Variants in DCC observed in about 807,000 individuals in gnomAD.
The protein encoded by DCC is netrin receptor DCC.
A neutral mutation model predicts 172.5 loss-of-function variants in DCC; 58 were observed. The ratio of observed to expected loss-of-function variants is 0.34; its 90% confidence interval spans 0.27 to 0.42. The LOEUF is 0.42. Ranked by LOEUF, DCC falls within the 10% of genes least tolerant of loss-of-function variation. The probability of loss-of-function intolerance (pLI) is 1.00; values close to 1 mark genes in which losing one functional copy is unlikely to be tolerated. For synonymous variants in DCC, 709 were observed against 644.5 expected, an observed-to-expected ratio of 1.10 and a Z score of -1.52; for missense variants, 1,740 against 1,791.0, an observed-to-expected ratio of 0.97 and a Z score of 0.51.
intron 12 of DCC, among the ~76,000 whole-genome samples, chr18:53,294,918 A>G (rs2057048538): frequency 6.6e-6 from 1 of 152,218 alleles, no homozygotes; most frequent in Non-Finnish European, 1.5e-5. Flanking sequence ...TTACAACTAT[A>G]TAAATGTATT....
At chr18:53,329,383 A>G (rs538253307) in intron 14 of DCC, among the ~76,000 whole-genome samples, 3 of 152,168 alleles carry the variant, frequency 2.0e-5, no homozygotes, top group Admixed American at 6.5e-5. Flanking sequence ...ATATTACAAG[A>G]CACTGCACTA....
intron 15 of DCC, among the ~76,000 whole-genome samples, chr18:53,364,750 C>G (rs1010702471): frequency 2.6e-5 from 4 of 152,088 alleles, no homozygotes; most frequent in African/African-American, 9.7e-5. Context: ...TGGCTTTCCA[C>G]ATACATTATT....
chr18:53,107,611 T>C (rs993669204), intron 7 of DCC, among the ~76,000 whole-genome samples: 1 of 149,974 alleles, frequency 6.7e-6, no homozygotes, highest in Admixed American at 6.6e-5. Flanking sequence ...TTTTTCTCCC[T>C]CAATCAGAAC....
intron 1 of DCC, among the ~76,000 whole-genome samples, chr18:52,653,078 A>G (rs2035174190): frequency 6.6e-6 from 1 of 152,200 alleles, no homozygotes; most frequent in African/African-American, 2.4e-5. Context: ...GTTGTGACAT[A>G]ATTATCATTG....
intron 24 of DCC, among the ~76,000 whole-genome samples, chr18:53,462,034 G>A (rs534668377): frequency 8.5e-5 from 13 of 152,294 alleles, no homozygotes; most frequent in African/African-American, 2.6e-4. Context: ...GAGAGAAGAG[G>A]GATGGAGTGA....
rs559247195 is a variant in DCC, at chr18:52,497,040, G to T, written c.91+156162G>T. ...AAGTTAAGGCAGGAGGGTCCCTCAA[G>T]CCCAGAAGTTCAAGACCAGCCTGGA... is the stretch of plus-strand genomic sequence containing the variant. On this transcript the variant is annotated intron_variant, in intron 1 of 28. Coordinates refer to ENST00000442544, the MANE Select transcript of DCC (RefSeq NM_005215.4). Among the ~76,000 whole-genome samples, 8 of 151,458 alleles carry T rather than the reference G, an allele frequency of 5.3e-5. No homozygotes were observed. In the South Asian group the frequency reaches 1.7e-3, roughly 32 times the overall value.
At chr18:53,167,711 A>C (rs1598867990) in intron 8 of DCC, among the ~76,000 whole-genome samples, 1 of 152,198 alleles carries the variant, frequency 6.6e-6, no homozygotes, top group South Asian at 2.1e-4. Flanking sequence ...TTCTCTTTTT[A>C]AATAATTTAC....
At position 52,858,950 on chromosome 18, in the gene DCC, A is replaced by G. The variant is rs140239154; in HGVS notation, c.413-47094A>G. On this transcript the variant is annotated intron_variant, in intron 2 of 28. Transcript: ENST00000442544. Reference sequence around the variant, plus strand: ...AAAGCACCACTATGCATTAATGTCAATAAGTCACCATGACAAACCAGTAAA... The same window carrying G: ...AAAGCACCACTATGCATTAATGTCAGTAAGTCACCATGACAAACCAGTAAA... Among the ~76,000 whole-genome samples the G allele has an allele frequency of 2.2e-3, 332 of 152,336 alleles. 2 individuals carry two copies. Among genetic ancestry groups the G allele is most frequent in the African/African-American group, 7.6e-3 (314 of 41,578 alleles).
intron 1 of DCC, among the ~76,000 whole-genome samples, chr18:52,460,316 C>T (rs528196286): frequency 6.6e-6 from 1 of 152,266 alleles, no homozygotes; most frequent in African/African-American, 2.4e-5. Flanking sequence ...TATGGCTAAA[C>T]CCAATACTGC....
chr18:52,610,223 A>G (rs868704358), intron 1 of DCC, among the ~76,000 whole-genome samples: 2 of 90,660 alleles, frequency 2.2e-5, no homozygotes, highest in African/African-American at 4.6e-5. Flanking sequence ...ATATATATAT[A>G]TATAAAATTA....
intron 12 of DCC, among the ~76,000 whole-genome samples, chr18:53,263,746 A>C (rs2056633972): frequency 6.6e-6 from 1 of 152,030 alleles, no homozygotes; most frequent in African/African-American, 2.4e-5. Flanking sequence ...TCATATACTT[A>C]CTGGAATTAG....
chr18:52,455,852 G>A (rs772527458), intron 1 of DCC, among the ~76,000 whole-genome samples: 17 of 152,224 alleles, frequency 1.1e-4, no homozygotes, highest in African/African-American at 2.6e-4. Flanking sequence ...AGGATTAAAC[G>A]TCCCTAAGGA....
chr18:53,530,052 A>G (rs1221922101), intron 28 of DCC, among the ~76,000 whole-genome samples: 3 of 152,190 alleles, frequency 2.0e-5, no homozygotes, highest in Admixed American at 1.3e-4. Context: ...AAAAAAATGT[A>G]TCTATGTCAT....
intron 3 of DCC, among the ~76,000 whole-genome samples, chr18:52,915,117 C>A (rs941464755): frequency 6.6e-6 from 1 of 152,138 alleles, no homozygotes; most frequent in African/African-American, 2.4e-5. Context: ...CAGATGTCAA[C>A]AGTCCATAAT....
intron 4 of DCC, 32 bp downstream of exon 4, chr18:52,923,889 G>A (rs1246973077): frequency 6.5e-6 from 10 of 1,543,098 alleles, no homozygotes; most frequent in Non-Finnish European, 8.1e-6. Flanking sequence ...TTTGTAAAGT[G>A]TACTTTTGTA....
rs148956292 is a variant in DCC at position 52,540,348 on chromosome 18, G to A, written c.91+199470G>A. ...AGACTAAGGTGGGAGGGTCACTTGA[G>A]CCCAAGAGTTTGAGGCTACAGTGAG... On this transcript the variant is annotated intron_variant, in intron 1 of 28. Coordinates refer to ENST00000442544, the MANE Select transcript of DCC (RefSeq NM_005215.4). Among the ~76,000 whole-genome samples the A allele has an allele frequency of 3.2e-4, 49 of 152,072 alleles. No homozygotes were observed. The East Asian group carries it at 8.1e-3, about 25-fold the overall frequency.
intron 5 of DCC, among the ~76,000 whole-genome samples, chr18:53,038,116 C>T (rs2042120636): frequency 6.6e-6 from 1 of 151,860 alleles, no homozygotes; most frequent in South Asian, 2.1e-4. Context: ...ATTCATTTAG[C>T]CCTCAACAAA....
At position 53,117,933 on chromosome 18, in the gene DCC, TTCTTG is replaced by T. The variant is rs551428794; in HGVS notation, c.1262-39418_1262-39414del. Among the ~76,000 whole-genome samples the T allele has an allele frequency of 3.6e-3, 548 of 151,944 alleles. 5 individuals are homozygous for T. Among genetic ancestry groups the T allele is most frequent in the Middle Eastern group, 6.8e-3 (2 of 294 alleles). On this transcript the variant is annotated intron_variant, in intron 7 of 28. Coordinates refer to ENST00000442544, the MANE Select transcript of DCC (RefSeq NM_005215.4). ...CATTCATTTAAAAATGTAAACATTC[TTCTTG>T]TCTTATGGGCCACACAAAACAGGCA...
At chr18:53,430,786 T>A (rs536139712) in intron 21 of DCC, among the ~76,000 whole-genome samples, 3 of 152,272 alleles carry the variant, frequency 2.0e-5, no homozygotes, top group African/African-American at 7.2e-5. Context: ...TTTTTGCACA[T>A]CACTTCAGTT....
Sources: allele counts gnomAD v4.1 joint callset (sites outside exome capture counted in the v4.1 genomes callset), GRCh38; gene constraint gnomAD v4.1.1; transcripts MANE v1.5; gene names NCBI Gene and HGNC (gene_info 2026-07-23, HGNC 2026-07-21).